TJP2: variants seen among roughly 807,000 people sequenced by gnomAD.
TJP2 encodes Friedreich ataxia region gene X104 (tight junction protein ZO-2).
In TJP2, 91 loss-of-function variants were observed where a neutral mutation model predicts 133.1. The observed-to-expected ratio is 0.68, with a 90% confidence interval of 0.58 to 0.81. The LOEUF (loss-of-function observed/expected upper bound fraction) is 0.81. Ranked by LOEUF, TJP2 falls within the 40% of genes least tolerant of loss-of-function variation. The probability of loss-of-function intolerance (pLI) is 0.00; values close to 1 mark genes in which losing one functional copy is unlikely to be tolerated. For missense variants in TJP2, 1,541 were observed against 1,565.6 expected (o/e 0.98, Z 0.26); for synonymous variants, 592 against 583.4 (o/e 1.01, Z -0.21).
At chr9:69,168,242 T>C (rs1294547569) in intron 2 of TJP2, among the ~76,000 whole-genome samples, 1 of 152,224 alleles carries the variant, frequency 6.6e-6, no homozygotes, top group African/African-American at 2.4e-5. Context: ...GCTGTCTTTG[T>C]AATCTTTATA....
intron 17 of TJP2, among the ~76,000 whole-genome samples, chr9:69,243,226 A>G (rs1245958071): frequency 6.6e-6 from 1 of 152,222 alleles, no homozygotes; most frequent in Non-Finnish European, 1.5e-5. Context: ...GTAGTTGAGA[A>G]TAATAGAGTG....
chr9:69,209,293 C>T (rs533313220), intron 1 of TJP2, among the ~76,000 whole-genome samples: 5 of 152,222 alleles, frequency 3.3e-5, no homozygotes, highest in Admixed American at 2.0e-4. Context: ...CCACCACGCC[C>T]GGCTAATTTT....
At chr9:69,216,191 G>C (rs1828361519) in intron 2 of TJP2, 148 bp from the exon 3 acceptor site, 1 of 970,972 alleles carries the variant, frequency 1.0e-6, no homozygotes, top group Non-Finnish European at 1.6e-6. Flanking sequence ...ACTATGCTTT[G>C]TTTTGTTTCT....
At chr9:69,151,918 G>A in intron 2 of TJP2, 1 of 807,406 alleles carries the variant, frequency 1.2e-6, no homozygotes, top group Non-Finnish European at 1.7e-6. Flanking sequence ...AAATTTAATG[G>A]TAATGTCCTA....
rs189219524 is a variant in TJP2, at chr9:69,254,723, G to A, written c.*349G>A. On this transcript the variant is annotated 3_prime_UTR_variant, in exon 23 of 23. Coordinates refer to ENST00000377245, the MANE Select transcript of TJP2 (RefSeq NM_004817.4). ...TAACTATTTTTCCTCATTAATAGCT[G>A]CCTTCAAGGACTGTTTCAGTGTGAG... The A allele has an allele frequency of 1.8e-6, 1 of 560,278 alleles. No individual in the cohort carries two copies. The allele number at this position is 560,278 out of a possible 1,614,324, so 34.7% of individuals were successfully genotyped here.
chr9:69,223,978 T>C (rs1487477777), intron 5 of TJP2, among the ~76,000 whole-genome samples: 3 of 152,268 alleles, frequency 2.0e-5, no homozygotes, highest in African/African-American at 7.2e-5. Flanking sequence ...GTGCCTGTTT[T>C]AAAACCTGCT....
intron 1 of TJP2, among the ~76,000 whole-genome samples, chr9:69,122,977 C>G (rs1041276612): frequency 1.7e-4 from 26 of 152,220 alleles, no homozygotes; most frequent in Admixed American, 5.2e-4. Flanking sequence ...GTTCACGTGT[C>G]TTGCCACTTT....
Position 69,251,116 on chromosome 9 carries a change from A to C in TJP2, c.3073A>C (p.Asn1025His), listed in dbSNP as rs1396948067. 3 of 1,614,060 alleles carry C rather than the reference A, an allele frequency of 1.9e-6. No homozygotes were observed. The African/African-American group carries it at 4.0e-5, about 22-fold the overall frequency. The change falls in exon 21 of 23, where the codon AAT becomes CAT. Residue 1025 changes from asparagine to histidine, a missense_variant. By Grantham distance (68) the Asn-to-His change is moderately conservative. Coordinates refer to ENST00000377245, the MANE Select transcript of TJP2 (RefSeq NM_004817.4). ...GTCAAACCCCTCTGCCGTTGCTGGT[A>C]ATGAAACTCCTGGGGCATCTACCAA... is the stretch of plus-strand genomic sequence containing the variant. Reference protein sequence around the residue: ...YKSNPSAVAGNETPGASTKGY... With the variant: ...YKSNPSAVAGHETPGASTKGY...
At chr9:69,221,751 C>T (rs1450561270) in intron 5 of TJP2, among the ~76,000 whole-genome samples, 1 of 151,716 alleles carries the variant, frequency 6.6e-6, no homozygotes, top group Non-Finnish European at 1.5e-5. Context: ...CAGGTTTCAA[C>T]ATGTTGGCCA....
At chr9:69,129,739 C>A (rs945668236) in intron 1 of TJP2, among the ~76,000 whole-genome samples, 2 of 151,820 alleles carry the variant, frequency 1.3e-5, no homozygotes, top group Admixed American at 6.6e-5. Flanking sequence ...GAGTTCGAGA[C>A]CAAAGCCAGG....
In TJP2 at chr9:69,130,306, G is replaced by C. The variant is rs577056821; in HGVS notation, c.-131+8581G>C. ...AATGTTGGTAATAGCAGAGAACTAG[G>C]GAAGTCAGCTGGATTTAGAAAAAGA... is the stretch of plus-strand genomic sequence containing the variant. On this transcript the variant is annotated intron_variant, in intron 1 of 5. Coordinates refer to the TJP2 transcript ENST00000423935. Among the ~76,000 whole-genome samples the C allele has an allele frequency of 9.2e-5, 14 of 152,232 alleles. No homozygotes were observed. The South Asian group carries it at 2.7e-3, about 29-fold the overall frequency.
intron 1 of TJP2, among the ~76,000 whole-genome samples, chr9:69,209,353 T>G (rs1348432835): frequency 2.0e-5 from 3 of 152,058 alleles, no homozygotes; most frequent in Non-Finnish European, 1.5e-5. Context: ...AGGCTGGTCT[T>G]GAACTCCTGG....
At chr9:69,245,513 G>A (rs895492996) in intron 17 of TJP2, among the ~76,000 whole-genome samples, 2 of 152,146 alleles carry the variant, frequency 1.3e-5, no homozygotes, top group African/African-American at 4.8e-5. Flanking sequence ...GACATATGTT[G>A]TACTTTGTTG....
intron 7 of TJP2, among the ~76,000 whole-genome samples, chr9:69,227,042 A>G (rs978565343): frequency 6.6e-6 from 1 of 152,262 alleles, no homozygotes; most frequent in African/African-American, 2.4e-5. Flanking sequence ...ATCACAGTAT[A>G]TTCTACTGAA....
At chr9:69,206,644 T>C (rs527358423) in intron 1 of TJP2, among the ~76,000 whole-genome samples, 51 of 152,042 alleles carry the variant, frequency 3.4e-4, no homozygotes, top group Admixed American at 5.9e-4. Context: ...GTGGCGCGAT[T>C]TCGGCTCACT....
intron 1 of TJP2, among the ~76,000 whole-genome samples, chr9:69,207,622 T>C (rs1350331227): frequency 6.6e-6 from 1 of 152,210 alleles, no homozygotes; most frequent in African/African-American, 2.4e-5. Context: ...TTCTGATATA[T>C]GCGTGCTCTT....
intron 1 of TJP2, among the ~76,000 whole-genome samples, chr9:69,146,423 C>T (rs997520549): frequency 2.0e-5 from 3 of 152,112 alleles, no homozygotes; most frequent in African/African-American, 7.2e-5. Flanking sequence ...TTATGGTAGA[C>T]GATATTTTTA....
chr9:69,165,639 G>C (rs1824309812), intron 2 of TJP2, among the ~76,000 whole-genome samples: 1 of 152,182 alleles, frequency 6.6e-6, no homozygotes, highest in African/African-American at 2.4e-5. Flanking sequence ...CTGCTTCTCA[G>C]TGGAGGGCTA....
rs778896111 is a variant in TJP2, at chr9:69,248,018, G to T, written c.2674G>T (p.Gly892Trp). 32 of 1,603,058 alleles carry T rather than the reference G, an allele frequency of 2.0e-5. No homozygotes were observed. Among genetic ancestry groups the T allele is most frequent in the Non-Finnish European group, 2.7e-5 (32 of 1,172,776 alleles). Reference sequence around the variant, plus strand: ...CCAACACAAATTCCTCTAGATGGAAGGGATGGATGATGACCCCGAAGACCG... The same window carrying T: ...CCAACACAAATTCCTCTAGATGGAATGGATGGATGATGACCCCGAAGACCG... ...AVWVSEGKMEGMDDDPEDRMS... is the reference protein window; with the variant it reads ...AVWVSEGKMEWMDDDPEDRMS... Residue 892 changes from glycine to tryptophan, a missense_variant, in exon 19 of 23, where the codon GGG (glycine) becomes TGG (tryptophan). Physicochemically the swap from Gly to Trp is radical, Grantham distance 184. Coordinates refer to ENST00000377245, the MANE Select transcript of TJP2 (RefSeq NM_004817.4).
Sources: allele counts gnomAD v4.1 joint callset (sites outside exome capture counted in the v4.1 genomes callset), GRCh38; gene constraint gnomAD v4.1.1; transcripts MANE v1.5; gene names NCBI Gene and HGNC (gene_info 2026-07-23, HGNC 2026-07-21).